LARGE1: variants seen among roughly 807,000 people sequenced by gnomAD.
LARGE1 encodes LARGE xylosyl- and glucuronyltransferase 1.
LARGE1 carries 43 observed loss-of-function variants against 87.6 expected under a neutral mutation model. The ratio of observed to expected loss-of-function variants is 0.49; its 90% CI spans 0.38 to 0.63. The LOEUF (loss-of-function observed/expected upper bound fraction) is 0.63, where lower values mean the gene tolerates loss of function less well. Ranked by LOEUF, LARGE1 falls within the 30% of genes least tolerant of loss-of-function variation. The pLI, the probability that LARGE1 is intolerant of heterozygous loss-of-function variation, is 0.00. For synonymous variants in LARGE1, 434 were observed against 394.6 expected, an observed-to-expected ratio of 1.10 and a Z score of -1.18; for missense variants, 802 against 1,000.2, an observed-to-expected ratio of 0.80 and a Z score of 2.67.
In LARGE1 at chr22:33,328,692, A is replaced by T. The variant is rs532715252; in HGVS notation, c.1287+8954T>A. ...GAAAGAGTAAGAAAACCGTATCCAT[A>T]TAACAACTAGGAGAATTGTGGAATA... On this transcript the variant is annotated intron_variant, in intron 10 of 14. Transcript: ENST00000397394. 2.0e-5 allele frequency among the ~76,000 whole-genome samples: 3 copies of T among 152,246 alleles called. No individual in the cohort carries two copies. In the East Asian group the frequency reaches 5.8e-4, roughly 29 times the overall value.
intron 6 of LARGE1, among the ~76,000 whole-genome samples, chr22:33,449,300 G>T (rs2067817421): frequency 1.3e-5 from 2 of 152,190 alleles, no homozygotes; most frequent in African/African-American, 4.8e-5. Flanking sequence ...GAGTGTTGGG[G>T]CTCTCCACTG....
intron 6 of LARGE1, among the ~76,000 whole-genome samples, chr22:33,503,509 CT>C (rs1281448204): frequency 6.6e-6 from 1 of 152,054 alleles, no homozygotes. Flanking sequence ...CATGCAAAAA[CT>C]TTTATGTGAG....
chr22:33,424,489 G>C (rs1034907990), intron 7 of LARGE1, among the ~76,000 whole-genome samples: 1 of 152,136 alleles, frequency 6.6e-6, no homozygotes, highest in Non-Finnish European at 1.5e-5. Context: ...TATGGTACCT[G>C]CAATGGACTG....
intron 2 of LARGE1, among the ~76,000 whole-genome samples, chr22:33,722,663 C>T (rs2083144020): frequency 6.6e-6 from 1 of 151,772 alleles, no homozygotes; most frequent in Admixed American, 6.6e-5. Flanking sequence ...AGTAAGTCAC[C>T]CAATGGAGGG....
chr22:33,656,746 G>A (rs185951504), intron 2 of LARGE1, among the ~76,000 whole-genome samples: 2 of 152,236 alleles, frequency 1.3e-5, no homozygotes, highest in Admixed American at 1.3e-4. Flanking sequence ...AGCTTAAAAT[G>A]TCAAACAAGA....
At chr22:33,710,769 C>T (rs558008331) in intron 2 of LARGE1, among the ~76,000 whole-genome samples, 7 of 152,198 alleles carry the variant, frequency 4.6e-5, no homozygotes, top group Middle Eastern at 3.4e-3. Flanking sequence ...GTAACGGAGT[C>T]GTCCTACACA....
intron 6 of LARGE1, among the ~76,000 whole-genome samples, chr22:33,464,632 A>G (rs1463273034): frequency 6.6e-6 from 1 of 152,222 alleles, no homozygotes; most frequent in African/African-American, 2.4e-5. Flanking sequence ...ATTAATGATG[A>G]AAAAATGCAA....
chr22:33,850,286 A>G (rs1373726092), intron 1 of LARGE1, among the ~76,000 whole-genome samples: 2 of 152,116 alleles, frequency 1.3e-5, no homozygotes, highest in Admixed American at 1.3e-4. Flanking sequence ...CATCTAAAAG[A>G]CGAGTGTTCT....
chr22:33,823,883 G>A (rs577177275), intron 1 of LARGE1, among the ~76,000 whole-genome samples: 2 of 152,122 alleles, frequency 1.3e-5, no homozygotes, highest in Admixed American at 6.5e-5. Flanking sequence ...ACAGTTACCC[G>A]AGAGCACCAC....
rs117738761 is a variant in LARGE1 at position 33,789,780 on chromosome 22, T to C, written c.-82-28222A>G. On this transcript the variant is annotated intron_variant, in intron 1 of 14. Coordinates refer to ENST00000397394, the MANE Select transcript of LARGE1 (RefSeq NM_133642.5). Reference sequence around the variant, plus strand: ...TAGTTCCTTCATTTTGGCCAATGTCTCCAATTTGGAATGGGAATTTTTACC... The same window carrying C: ...TAGTTCCTTCATTTTGGCCAATGTCCCCAATTTGGAATGGGAATTTTTACC... Among the ~76,000 whole-genome samples the C allele has an allele frequency of 4.9e-3, 749 of 152,324 alleles. 4 individuals carry two copies. The highest frequency in any genetic ancestry group is 8.1e-3 in the Non-Finnish European group (548 of 68,032).
At chr22:33,887,399 G>A (rs1231223551) in intron 1 of LARGE1, among the ~76,000 whole-genome samples, 1 of 152,172 alleles carries the variant, frequency 6.6e-6, no homozygotes, top group African/African-American at 2.4e-5. Context: ...CTTGATCTTG[G>A]AATTCCAACA....
At chr22:33,610,991 G>A (rs780522649) in intron 4 of LARGE1, among the ~76,000 whole-genome samples, 4 of 152,334 alleles carry the variant, frequency 2.6e-5, no homozygotes, top group Non-Finnish European at 5.9e-5. Context: ...CTGTCAGGAC[G>A]GAGAGTGCAA....
At chr22:33,877,520 A>G (rs1308172083) in intron 1 of LARGE1, among the ~76,000 whole-genome samples, 2 of 152,152 alleles carry the variant, frequency 1.3e-5, no homozygotes, top group Non-Finnish European at 2.9e-5. Context: ...CATTTTCAAA[A>G]TGGGAGAAAT....
At chr22:33,317,144 G>T (rs1936252179) in intron 10 of LARGE1, among the ~76,000 whole-genome samples, 1 of 151,940 alleles carries the variant, frequency 6.6e-6, no homozygotes, top group Non-Finnish European at 1.5e-5. Flanking sequence ...AACCCAGGAG[G>T]CAGAGGTTGC....
chr22:33,583,862 T>G (rs911801628), intron 5 of LARGE1, among the ~76,000 whole-genome samples: 3 of 152,190 alleles, frequency 2.0e-5, no homozygotes, highest in Non-Finnish European at 4.4e-5. Context: ...CTTAGCACTT[T>G]CCAAGACACA....
At chr22:33,750,679 A>G (rs1436701477) in intron 2 of LARGE1, 2 of 152,186 alleles carry the variant, frequency 1.3e-5, no homozygotes, top group Non-Finnish European at 2.9e-5. Context: ...CTTGGGGTCA[A>G]TATCAAGCAG....
At chr22:33,807,024 C>T (rs1260772471) in intron 1 of LARGE1, among the ~76,000 whole-genome samples, 2 of 151,980 alleles carry the variant, frequency 1.3e-5, no homozygotes, top group African/African-American at 4.8e-5. Context: ...AAAAAATCCT[C>T]TTCCTTGCAA....
chr22:33,158,573 A>G (rs911983509), downstream of LARGE1, among the ~76,000 whole-genome samples: 1 of 152,316 alleles, frequency 6.6e-6, no homozygotes. Context: ...TACAATACAA[A>G]AACTTCCATC....
chr22:33,281,389 G>T (rs904531093), intron 13 of LARGE1, among the ~76,000 whole-genome samples: 1 of 145,640 alleles, frequency 6.9e-6, no homozygotes, highest in African/African-American at 2.6e-5. Flanking sequence ...TTAAACACTG[G>T]TTAAAAAAAA....
Sources: allele counts gnomAD v4.1 joint callset (sites outside exome capture counted in the v4.1 genomes callset), GRCh38; gene constraint gnomAD v4.1.1; transcripts MANE v1.5; gene names NCBI Gene and HGNC (gene_info 2026-07-23, HGNC 2026-07-21).